Variants in BOLA3 observed in about 807,000 individuals in gnomAD.
BOLA3 encodes the protein bolA family member 3, also known as bolA-like protein 3.
Under a neutral mutation model 14.5 loss-of-function variants are expected in BOLA3, and 8 were observed. The observed-to-expected ratio is 0.55, with a 90% CI of 0.32 to 0.99. The LOEUF (loss-of-function observed/expected upper bound fraction) is 0.99. Ranked by LOEUF, BOLA3 falls within the 50% of genes least tolerant of loss-of-function variation. The pLI is 0.04. For missense variants in BOLA3, 115 were observed against 138.2 expected (o/e 0.83, Z 0.84); for synonymous variants, 42 against 45.7 (o/e 0.92, Z 0.33).
intron 2 of BOLA3, among the ~76,000 whole-genome samples, chr2:74,143,351 G>T (rs1476335242): frequency 1.3e-5 from 2 of 152,066 alleles, no homozygotes; most frequent in Non-Finnish European, 2.9e-5. Flanking sequence ...AGTAGAGACG[G>T]GGTTTCACCG....
At chr2:74,143,533 T>C (rs1016776987) in intron 2 of BOLA3, among the ~76,000 whole-genome samples, 1 of 152,106 alleles carries the variant, frequency 6.6e-6, no homozygotes, top group Non-Finnish European at 1.5e-5. Flanking sequence ...TCAACTCCCC[T>C]TCTGCACTCT....
At chr2:74,144,793 G>A (rs1692514337) in intron 2 of BOLA3, among the ~76,000 whole-genome samples, 1 of 152,208 alleles carries the variant, frequency 6.6e-6, no homozygotes, top group Admixed American at 6.5e-5. Flanking sequence ...GGAAAGTAAA[G>A]CAGCTGAAGA....
At chr2:74,140,289 A>G (rs1203477058) in intron 3 of BOLA3, among the ~76,000 whole-genome samples, 1 of 152,164 alleles carries the variant, frequency 6.6e-6, no homozygotes, top group Non-Finnish European at 1.5e-5. Flanking sequence ...GTGGGAGGGA[A>G]AAAAAAGAAG....
chr2:74,145,798 G>A (rs844168), intron 1 of BOLA3: 78,580 of 173,716 alleles, frequency 0.45, 19,152 homozygotes, highest in African/African-American at 0.62. Context: ...AACATGTCTC[G>A]CCCTCCCCAG....
intron 3 of BOLA3, among the ~76,000 whole-genome samples, chr2:74,137,835 C>T (rs1279864879): frequency 1.3e-5 from 2 of 152,222 alleles, no homozygotes; most frequent in Non-Finnish European, 2.9e-5. Context: ...GCAGAAATGT[C>T]CCTGGAAAAA....
chr2:74,138,791 C>T (rs894973737), intron 3 of BOLA3, among the ~76,000 whole-genome samples: 2 of 152,208 alleles, frequency 1.3e-5, no homozygotes, highest in African/African-American at 4.8e-5. Context: ...TGTTTAGCAA[C>T]TGCCTTCCAC....
At chr2:74,140,347 A>G (rs1047023012) in intron 3 of BOLA3, among the ~76,000 whole-genome samples, 5 of 152,184 alleles carry the variant, frequency 3.3e-5, no homozygotes, top group Non-Finnish European at 2.9e-5. Context: ...AGTTCTCCAA[A>G]ACAGAATGCC....
At chr2:74,147,653 G>T in intron 1 of BOLA3, 168 bp downstream of exon 1, 1 of 689,940 alleles carries the variant, frequency 1.4e-6, no homozygotes, top group Non-Finnish European at 2.5e-6. Flanking sequence ...GTCGCTGAGT[G>T]AATGAATGAA....
chr2:74,142,654 TAG>T (rs955068914), intron 2 of BOLA3, among the ~76,000 whole-genome samples: 1 of 152,120 alleles, frequency 6.6e-6, no homozygotes, highest in Non-Finnish European at 1.5e-5. Flanking sequence ...CTAGGGAGTG[TAG>T]AGTGTTTCCT....
At chr2:74,139,179 T>C (rs2103643662) in intron 3 of BOLA3, among the ~76,000 whole-genome samples, 1 of 152,182 alleles carries the variant, frequency 6.6e-6, no homozygotes, top group Non-Finnish European at 1.5e-5. Flanking sequence ...GCAGGGACAG[T>C]CTGATGGGAA....
Sources: allele counts gnomAD v4.1 joint callset (sites outside exome capture counted in the v4.1 genomes callset), GRCh38; gene constraint gnomAD v4.1.1; transcripts MANE v1.5; gene names NCBI Gene and HGNC (gene_info 2026-07-23, HGNC 2026-07-21).